The following ACTL6B variants were observed in gnomAD, a reference collection of about 807,000 sequenced individuals.
ACTL6B encodes the protein actin like 6B.
ACTL6B carries 48 observed loss-of-function variants against 63.3 expected under a neutral mutation model. The ratio of observed to expected loss-of-function variants is 0.76; its 90% CI spans 0.60 to 0.96. The LOEUF is 0.96. Among genes scored for constraint, ACTL6B ranks in the 50% least tolerant of loss-of-function variants. The pLI is 0.00. For synonymous variants in ACTL6B, 230 were observed against 223.8 expected, an observed-to-expected ratio of 1.03 and a Z score of -0.25; for missense variants, 350 against 572.2, an observed-to-expected ratio of 0.61 and a Z score of 3.96.
rs1804023252 is a variant in ACTL6B at position 100,655,534 on chromosome 7, A to G, written c.155T>C (p.Leu52Pro). 4 of 1,613,890 alleles carry G rather than the reference A, an allele frequency of 2.5e-6. No individual in the cohort carries two copies. The highest frequency in any genetic ancestry group is 3.4e-6 in the Non-Finnish European group (4 of 1,179,912). ...GLLAAEEGGG[L>P]ELEGDKEKKG... is the part of the protein sequence containing the mutation. ...CTTCTCTTTGTCCCCCTCCAGCTCC[A>G]GCCCGCCCCCCTCCTCCGCGGCCAG... is the stretch of plus-strand genomic sequence containing the variant. Residue 52 changes from leucine to proline, a missense_variant, in exon 3 of 14, where the codon CTG becomes CCG. By Grantham distance (98) the Leu-to-Pro change is moderately conservative. This residue lies in a region of ACTL6B where 250 missense variants were observed against 364.7 expected (regional missense o/e 0.69). Transcript: ENST00000160382. The surrounding 1 kb of genome is among the most constrained non-coding windows in gnomAD (Gnocchi z 4.4).
In ACTL6B at chr7:100,648,715, T is replaced by G; in HGVS notation, c.562+14A>C. On this transcript the variant is annotated intron_variant, in intron 6 of 13. Coordinates refer to ENST00000160382, the MANE Select transcript of ACTL6B (RefSeq NM_016188.5). The surrounding 1 kb of genome is among the most constrained non-coding windows in gnomAD (Gnocchi z 4.4). ...GTCCTCCTGGAGCACCCCCACCCCCTGCCGAAGCCCCACCTTGCTGCAGAA... is the reference window on the plus strand; with the variant it reads ...GTCCTCCTGGAGCACCCCCACCCCCGGCCGAAGCCCCACCTTGCTGCAGAA... 1 of 1,613,844 alleles carries G rather than the reference T, an allele frequency of 6.2e-7. No homozygotes were observed. The highest frequency in any genetic ancestry group is 8.5e-7 in the Non-Finnish European group (1 of 1,179,918).
chr7:100,655,957 C>A lies in ACTL6B; in HGVS notation c.26-78G>T. On this transcript the variant is annotated intron_variant, in intron 1 of 13. Coordinates refer to ENST00000160382, the MANE Select transcript of ACTL6B (RefSeq NM_016188.5). This position sits in a 1 kb window ranked among gnomAD's most constrained non-coding sequence, Gnocchi z 4.4. ...AGGTAGCTCCGAGAGAAAGTCAGGGCAGAGCCACAGTCTCGCCACTTTCAA... is the reference window on the plus strand; with the variant it reads ...AGGTAGCTCCGAGAGAAAGTCAGGGAAGAGCCACAGTCTCGCCACTTTCAA... The A allele has an allele frequency of 7.0e-7, 1 of 1,421,416 alleles. No individual in the cohort carries two copies. The highest frequency in any genetic ancestry group is 9.6e-7 in the Non-Finnish European group (1 of 1,046,928). The allele number at this position is 1,421,416 out of a possible 1,614,324, so 88.1% of individuals were successfully genotyped here. A position where few individuals can be genotyped will look rare whatever the true frequency, so the allele number is the denominator to read the frequency against.
chr7:100,655,695 T>G lies in ACTL6B; in HGVS notation c.102+108A>C. ...ACCGCCCCTGGGTTTATTCCCATAT[T>G]CCCGCTCAGCAGAGCTTCTGGGCGA... On this transcript the variant is annotated intron_variant, in intron 2 of 13. Transcript: ENST00000160382. This position sits in a 1 kb window ranked among gnomAD's most constrained non-coding sequence, Gnocchi z 4.4. The G allele has an allele frequency of 1.3e-6, 2 of 1,510,072 alleles. No homozygotes were observed. Among genetic ancestry groups the G allele is most frequent in the Non-Finnish European group, 1.8e-6 (2 of 1,123,128 alleles). The allele number at this position is 1,510,072 out of a possible 1,614,324, so 93.5% of individuals were successfully genotyped here.
Position 100,648,871 on chromosome 7 carries a change from GC to G in ACTL6B, c.468-49del. On this transcript the variant is annotated intron_variant, in intron 5 of 13. Transcript: ENST00000160382. The surrounding 1 kb of genome is among the most constrained non-coding windows in gnomAD (Gnocchi z 4.4). ...AAGAGACAGCAGCAGCAAGTGAGGGGCCTGGGCCCAGATCTTGTCTGGTCAC... is the reference window on the plus strand; with the variant it reads ...AAGAGACAGCAGCAGCAAGTGAGGGGCTGGGCCCAGATCTTGTCTGGTCAC... 1 of 1,566,314 alleles carries G rather than the reference GC, an allele frequency of 6.4e-7. No individual in the cohort carries two copies. The highest frequency in any genetic ancestry group is 8.7e-7 in the Non-Finnish European group (1 of 1,153,150).
At position 100,646,314 on chromosome 7, in the gene ACTL6B, C is replaced by G; in HGVS notation, c.1135G>C (p.Ala379Pro). 6.2e-7 allele frequency: 1 copy of G among 1,613,978 alleles called. No individual in the cohort carries two copies. The highest frequency in any genetic ancestry group is 8.5e-7 in the Non-Finnish European group (1 of 1,179,990). The change falls in exon 13 of 14, where the codon GCC becomes CCC. Residue 379 changes from alanine to proline, a missense_variant. Transcript: ENST00000160382. This position sits in a 1 kb window ranked among gnomAD's most constrained non-coding sequence, Gnocchi z 6.1. ...TPPSMRLKLI[A>P]SNSTMERKFS... ...TTGCGCTCCATGGTGCTGTTGCTGGCAATGAGTTTCAGTCGCATGCTCTGG... is the reference window on the plus strand; with the variant it reads ...TTGCGCTCCATGGTGCTGTTGCTGGGAATGAGTTTCAGTCGCATGCTCTGG...
At chr7:100,645,947 G>A (rs1380518914) in intron 13 of ACTL6B, among the ~76,000 whole-genome samples, 1 of 152,126 alleles carries the variant, frequency 6.6e-6, no homozygotes, top group Non-Finnish European at 1.5e-5. Flanking sequence ...TCCCCAGTTT[G>A]TAAAAGTAGA....
In ACTL6B at chr7:100,655,594, G is replaced by T. The variant is rs542669366; in HGVS notation, c.103-8C>A. ...TGTGGTGGGGAAGTCAGCCTGGTGG[G>T]GAAGGGTTGGGGGAGTATTGGCAGG... is the stretch of plus-strand genomic sequence containing the variant. On this transcript the variant is annotated splice_polypyrimidine_tract_variant and splice_region_variant and intron_variant, in intron 2 of 13. Coordinates refer to ENST00000160382, the MANE Select transcript of ACTL6B (RefSeq NM_016188.5). The surrounding 1 kb of genome is among the most constrained non-coding windows in gnomAD (Gnocchi z 4.4). 3.0e-5 allele frequency: 48 copies of T among 1,609,530 alleles called. No homozygotes were observed. The Admixed American group carries it at 6.4e-4, about 21-fold the overall frequency.
rs762011843 is a variant in ACTL6B at position 100,647,248 on chromosome 7, C to T, written c.796G>A (p.Val266Ile). 1.2e-6 allele frequency: 2 copies of T among 1,613,028 alleles called. No homozygotes were observed. Among genetic ancestry groups the T allele is most frequent in the African/African-American group, 1.3e-5 (1 of 74,872 alleles). Residue 266 changes from valine (V) to isoleucine (I), a missense_variant, in exon 9 of 14, where the codon GTC becomes ATC. By Grantham distance (29) the Val-to-Ile change is conservative (BLOSUM62 3). This residue lies in a region of ACTL6B where 250 missense variants were observed against 364.7 expected (regional missense o/e 0.69). Transcript: ENST00000160382. This position sits in a 1 kb window ranked among gnomAD's most constrained non-coding sequence, Gnocchi z 4.4. Reference protein sequence around the residue: ...IQDFQASVLQVSDSPYDEQVA... With the variant: ...IQDFQASVLQISDSPYDEQVA... The stretch of plus-strand genomic sequence containing the variant: ...TGTTCATCGTAGGGGGAGTCTGAGA[C>T]CTGCAGCACGGAGGCCTGGAAGTCC...
chr7:100,652,831 T>C (rs1486953737), intron 4 of ACTL6B, among the ~76,000 whole-genome samples: 2 of 148,538 alleles, frequency 1.3e-5, no homozygotes, highest in Non-Finnish European at 3.0e-5. Flanking sequence ...TGAAACCCCG[T>C]CTCTACTAAA....
intron 5 of ACTL6B, among the ~76,000 whole-genome samples, chr7:100,649,228 G>A (rs759378164): frequency 1.2e-4 from 18 of 151,446 alleles, no homozygotes; most frequent in Admixed American, 3.3e-4. Flanking sequence ...TCCTGACCTC[G>A]TGATCTGCCC....
intron 13 of ACTL6B, among the ~76,000 whole-genome samples, chr7:100,644,224 G>GT (rs1491173074): frequency 6.6e-6 from 1 of 152,046 alleles, no homozygotes; most frequent in Non-Finnish European, 1.5e-5. Context: ...TGTAGAGATG[G>GT]TGTCTCACTA....
chr7:100,644,973 T>C (rs1011503203), intron 13 of ACTL6B, among the ~76,000 whole-genome samples: 2 of 152,210 alleles, frequency 1.3e-5, no homozygotes, highest in African/African-American at 4.8e-5. Flanking sequence ...GAAGAATCGC[T>C]TGAACCCAGG....
In ACTL6B at chr7:100,646,305, T is replaced by A; in HGVS notation, c.1144A>T (p.Ser382Cys). 1 of 1,614,064 alleles carries A rather than the reference T, an allele frequency of 6.2e-7. No homozygotes were observed. Among genetic ancestry groups the A allele is most frequent in the Admixed American group, 1.7e-5 (1 of 59,986 alleles). Residue 382 changes from serine to cysteine, a missense_variant, in exon 13 of 14, where the codon AGC becomes TGC. Physicochemically the swap from Ser to Cys is moderately radical, Grantham distance 112. Transcript: ENST00000160382. This position sits in a 1 kb window ranked among gnomAD's most constrained non-coding sequence, Gnocchi z 6.1. ...GGGCTGAACTTGCGCTCCATGGTGCTGTTGCTGGCAATGAGTTTCAGTCGC... is the reference window on the plus strand; with the variant it reads ...GGGCTGAACTTGCGCTCCATGGTGCAGTTGCTGGCAATGAGTTTCAGTCGC... The part of the protein sequence containing the change: ...SMRLKLIASN[S>C]TMERKFSPWI...
intron 4 of ACTL6B, 108 bp downstream of exon 4, chr7:100,654,911 G>C: frequency 5.5e-6 from 5 of 911,936 alleles, no homozygotes; most frequent in Non-Finnish European, 8.6e-6. Flanking sequence ...GAAAAGGGAA[G>C]GGAAGTGGCT....
At chr7:100,652,122 G>C (rs1354270397) in intron 4 of ACTL6B, among the ~76,000 whole-genome samples, 1 of 152,190 alleles carries the variant, frequency 6.6e-6, no homozygotes, top group Non-Finnish European at 1.5e-5. Flanking sequence ...TGAGAGGCCA[G>C]GTGTGGTGGC....
intron 4 of ACTL6B, among the ~76,000 whole-genome samples, chr7:100,653,476 C>A (rs1261747113): frequency 6.6e-6 from 1 of 151,878 alleles, no homozygotes; most frequent in Admixed American, 6.6e-5. Flanking sequence ...ATGATGAAAC[C>A]CTGTCTCTAA....
In ACTL6B at chr7:100,647,479, G is replaced by A. The variant is rs1562848568; in HGVS notation, c.724C>T (p.Gln242Ter). 6.2e-7 allele frequency: 1 copy of A among 1,611,958 alleles called. No individual in the cohort carries two copies. The highest frequency in any genetic ancestry group is 8.5e-7 in the Non-Finnish European group (1 of 1,178,948). ...PNWKKKEKLP[Q>*]VSKSWHNYMC... ...TAGTTATGCCAGGACTTGGAGACCT[G>A]GGGTAGCTTCTCCTTCTTCTTCCAG... Residue 242 changes from glutamine to a stop codon, truncating the protein, a stop_gained, in exon 8 of 14, where the codon CAG (glutamine) becomes TAG (stop). Transcript: ENST00000160382. LOFTEE classifies it high-confidence loss of function. This position sits in a 1 kb window ranked among gnomAD's most constrained non-coding sequence, Gnocchi z 4.4.
At chr7:100,644,313 C>A (rs981373672) in intron 13 of ACTL6B, among the ~76,000 whole-genome samples, 8 of 152,152 alleles carry the variant, frequency 5.3e-5, no homozygotes, top group Non-Finnish European at 1.2e-4. Flanking sequence ...GGATTACAGG[C>A]GTGAGCTACC....
At chr7:100,643,380 C>A in intron 13 of ACTL6B, 54 bp from the exon 14 acceptor site, 1 of 1,581,374 alleles carries the variant, frequency 6.3e-7, no homozygotes, top group Non-Finnish European at 8.7e-7. Context: ...GAGGTGTGGA[C>A]AGGCAGGTGC....
Sources: allele counts gnomAD v4.1 joint callset (sites outside exome capture counted in the v4.1 genomes callset), GRCh38; gene constraint gnomAD v4.1.1; regional missense constraint gnomAD v4.1.1; non-coding constraint Gnocchi (gnomAD v3.1); transcripts MANE v1.5; gene names NCBI Gene and HGNC (gene_info 2026-07-23, HGNC 2026-07-21).